Variants in SIPA1L1 observed in about 807,000 individuals in gnomAD.
SIPA1L1 encodes the protein signal induced proliferation associated 1 like 1.
SIPA1L1 carries 26 observed loss-of-function variants against 162.7 expected under a neutral mutation model. The observed-to-expected ratio is 0.16, with a 90% CI of 0.12 to 0.22. The LOEUF (loss-of-function observed/expected upper bound fraction) is 0.22, where lower values mean the gene tolerates loss of function less well. Ranked by LOEUF, SIPA1L1 falls within the 10% of genes least tolerant of loss-of-function variation. The pLI is 1.00. For missense variants in SIPA1L1, 1,874 were observed against 2,241.0 expected, an observed-to-expected ratio of 0.84 and a Z score of 3.31; for synonymous variants, 829 against 837.4, an observed-to-expected ratio of 0.99 and a Z score of 0.17.
At chr14:71,494,178 G>A (rs773677883) in intron 2 of SIPA1L1, among the ~76,000 whole-genome samples, 4 of 152,192 alleles carry the variant, frequency 2.6e-5, no homozygotes, top group Non-Finnish European at 5.9e-5. Flanking sequence ...TAGAAATGGT[G>A]ACAGTGGACG....
At chr14:71,514,498 T>C (rs928278992) in intron 3 of SIPA1L1, among the ~76,000 whole-genome samples, 1 of 152,176 alleles carries the variant, frequency 6.6e-6, no homozygotes, top group Non-Finnish European at 1.5e-5. Context: ...CAGTTTCAGG[T>C]GTTTCCTATC....
chr14:71,544,203 A>G (rs1028969730), intron 4 of SIPA1L1, among the ~76,000 whole-genome samples: 15 of 145,036 alleles, frequency 1.0e-4, no homozygotes, highest in Admixed American at 4.2e-4. Context: ...ATATGCATGT[A>G]TGCACATGCA....
chr14:71,321,427 G>T, intron 2 of SIPA1L1: 1 of 152,332 alleles, frequency 6.6e-6, no homozygotes, highest in East Asian at 1.9e-4. Flanking sequence ...CTACTGGGCA[G>T]GCGTCTCTGC....
chr14:71,610,497 A>G (rs1030740518), intron 5 of SIPA1L1, among the ~76,000 whole-genome samples: 1 of 152,198 alleles, frequency 6.6e-6, no homozygotes, highest in Admixed American at 6.5e-5. Flanking sequence ...ACATTTATTA[A>G]AGACCAACAA....
intron 5 of SIPA1L1, among the ~76,000 whole-genome samples, chr14:71,597,077 C>T (rs941124633): frequency 6.6e-6 from 1 of 152,118 alleles, no homozygotes; most frequent in East Asian, 1.9e-4. Flanking sequence ...TCAAGGGATC[C>T]TCCCATCTCA....
intron 4 of SIPA1L1, among the ~76,000 whole-genome samples, chr14:71,562,747 G>A (rs1268149360): frequency 2.6e-5 from 4 of 152,116 alleles, no homozygotes; most frequent in Admixed American, 1.3e-4. Context: ...TTCCACTCCC[G>A]GGTTCAAGCA....
intron 4 of SIPA1L1, among the ~76,000 whole-genome samples, chr14:71,559,683 T>C (rs2080711556): frequency 6.6e-6 from 1 of 152,260 alleles, no homozygotes; most frequent in Admixed American, 6.5e-5. Flanking sequence ...ATGAGTATGC[T>C]TTTAACCTGA....
intron 12 of SIPA1L1, among the ~76,000 whole-genome samples, chr14:71,682,046 T>C (rs148189685): frequency 1.4e-3 from 210 of 152,356 alleles, no homozygotes; most frequent in Non-Finnish European, 2.5e-3. Flanking sequence ...TAAGACTAAC[T>C]TACACAGTCT....
chr14:71,429,648 G>T (rs2043837371), intron 2 of SIPA1L1, among the ~76,000 whole-genome samples: 2 of 152,072 alleles, frequency 1.3e-5, no homozygotes, highest in African/African-American at 4.8e-5. Context: ...TCAGGTCATG[G>T]GATATTGTAA....
In SIPA1L1 at chr14:71,698,972, C is replaced by G. The variant is rs771683217; in HGVS notation, c.3375-9C>G. 1 of 1,614,004 alleles carries G rather than the reference C, an allele frequency of 6.2e-7. No individual in the cohort carries two copies. Among genetic ancestry groups the G allele is most frequent in the South Asian group, 1.1e-5 (1 of 91,078 alleles). Reference sequence around the variant, plus strand: ...TTGTTGACTTCATGTTTTTGTATTGCACATGCAGGCTGTCTCCTGGTTCGG... The same window carrying G: ...TTGTTGACTTCATGTTTTTGTATTGGACATGCAGGCTGTCTCCTGGTTCGG... On this transcript the variant is annotated splice_polypyrimidine_tract_variant and intron_variant, in intron 13 of 23. Transcript: ENST00000381232.
At position 71,683,342 on chromosome 14, in the gene SIPA1L1, G is replaced by A. The variant is rs559579065; in HGVS notation, c.3105-2020G>A. On this transcript the variant is annotated intron_variant, in intron 12 of 23. Coordinates refer to ENST00000381232, the MANE Select transcript of SIPA1L1 (RefSeq NM_001386936.1). Reference sequence around the variant, plus strand: ...CTAGCAGCCGACAGAAAGGGGCATAGATGGTGATGTTCTTTGAGTTTACAA... The same window carrying A: ...CTAGCAGCCGACAGAAAGGGGCATAAATGGTGATGTTCTTTGAGTTTACAA... Among the ~76,000 whole-genome samples, 24 of 152,326 alleles carry A rather than the reference G, an allele frequency of 1.6e-4. No homozygotes were observed. The South Asian group carries it at 5.0e-3, about 32-fold the overall frequency.
chr14:71,609,045 T>TC (rs1464672765), intron 5 of SIPA1L1, among the ~76,000 whole-genome samples: 1 of 152,212 alleles, frequency 6.6e-6, no homozygotes, highest in African/African-American at 2.4e-5. Flanking sequence ...ACATGCATAC[T>TC]CCTTTTTAAA....
intron 6 of SIPA1L1, among the ~76,000 whole-genome samples, chr14:71,619,114 T>C (rs1567325810): frequency 6.6e-6 from 1 of 151,750 alleles, no homozygotes; most frequent in Admixed American, 6.6e-5. Context: ...GAATGAGGAG[T>C]TTTGATTCAG....
intron 5 of SIPA1L1, among the ~76,000 whole-genome samples, chr14:71,618,539 T>C (rs2039079410): frequency 6.6e-6 from 1 of 152,172 alleles, no homozygotes; most frequent in African/African-American, 2.4e-5. Context: ...AGTAAAAAAC[T>C]CAACAGGCCA....
intron 4 of SIPA1L1, among the ~76,000 whole-genome samples, chr14:71,539,191 C>T (rs2054161833): frequency 6.6e-6 from 1 of 152,150 alleles, no homozygotes; most frequent in African/African-American, 2.4e-5. Context: ...CTTCCTGCTC[C>T]TTGGCCCGTT....
At chr14:71,380,860 G>A (rs1384828430) in intron 2 of SIPA1L1, among the ~76,000 whole-genome samples, 1 of 152,116 alleles carries the variant, frequency 6.6e-6, no homozygotes, top group East Asian at 1.9e-4. Flanking sequence ...AAAGATCCAA[G>A]TACTAGCAGC....
chr14:71,430,625 A>T lies in SIPA1L1; in HGVS notation c.-464-82118A>T, dbSNP rs1388464016. Among the ~76,000 whole-genome samples the T allele has an allele frequency of 2.0e-5, 3 of 152,340 alleles. No homozygotes were observed. In the East Asian group the frequency reaches 5.8e-4, roughly 29 times the overall value. On this transcript the variant is annotated intron_variant, in intron 2 of 23. Coordinates refer to ENST00000381232, the MANE Select transcript of SIPA1L1 (RefSeq NM_001386936.1). ...TTAATCCAGCCTTCTCCTATAACAG[A>T]TGAGAAAACTGAGGCTGAGTGTCAC... is the stretch of plus-strand genomic sequence containing the variant.
At chr14:71,490,470 AT>A (rs977363835) in intron 2 of SIPA1L1, among the ~76,000 whole-genome samples, 23 of 151,814 alleles carry the variant, frequency 1.5e-4, no homozygotes, top group Admixed American at 3.9e-4. Flanking sequence ...CTGTGTCTAA[AT>A]TTTTTTTTAC....
In SIPA1L1 at chr14:71,589,248, G is replaced by A; in HGVS notation, c.1376G>A (p.Gly459Glu). Residue 459 changes from glycine (G) to glutamate (E), a missense_variant, in exon 5 of 24, where the codon GGA becomes GAA. By Grantham distance (98) the Gly-to-Glu change is moderately conservative. Around this residue, in one of 5 missense-constraint regions of SIPA1L1, gnomAD observed 685 missense variants for 828.0 expected, o/e 0.83. Coordinates refer to ENST00000381232, the MANE Select transcript of SIPA1L1 (RefSeq NM_001386936.1). Reference protein sequence around the residue: ...STLSSHCTNAGVAVLEVPKEN... With the variant: ...STLSSHCTNAEVAVLEVPKEN... ...CTTAGTTCCCATTGCACAAATGCAG[G>A]AGTGGCAGTACTTGAAGTGCCCAAG... 1 of 1,614,088 alleles carries A rather than the reference G, an allele frequency of 6.2e-7. No homozygotes were observed. Among genetic ancestry groups the A allele is most frequent in the Non-Finnish European group, 8.5e-7 (1 of 1,179,960 alleles).
Sources: allele counts gnomAD v4.1 joint callset (sites outside exome capture counted in the v4.1 genomes callset), GRCh38; gene constraint gnomAD v4.1.1; regional missense constraint gnomAD v4.1.1; transcripts MANE v1.5; gene names NCBI Gene and HGNC (gene_info 2026-07-23, HGNC 2026-07-21).